Variants in CNTNAP2 observed in about 807,000 individuals in gnomAD.
CNTNAP2 encodes the protein contactin associated protein 2, also known as contactin-associated protein-like 2.
Under a neutral mutation model 155.2 loss-of-function variants are expected in CNTNAP2, and 98 were observed. The observed-to-expected ratio is 0.63, with a 90% CI of 0.54 to 0.75. The LOEUF is 0.75. Ranked by LOEUF, CNTNAP2 falls within the 30% of genes least tolerant of loss-of-function variation. The pLI is 0.00. For missense variants in CNTNAP2, 1,727 were observed against 1,688.1 expected (o/e 1.02, Z -0.40); for synonymous variants, 651 against 631.2 (o/e 1.03, Z -0.47).
intron 15 of CNTNAP2, among the ~76,000 whole-genome samples, chr7:148,027,219 C>T (rs1434211350): frequency 6.6e-6 from 1 of 152,198 alleles, no homozygotes; most frequent in Non-Finnish European, 1.5e-5. Flanking sequence ...TCTGAAAGAT[C>T]CCTTTCTCCA....
rs1415651236 is a variant in CNTNAP2, at chr7:147,693,139, G to A, written c.2098+53833G>A. Among the ~76,000 whole-genome samples the A allele has an allele frequency of 6.6e-5, 10 of 151,982 alleles. No individual in the cohort carries two copies. The South Asian group carries it at 1.7e-3, about 25-fold the overall frequency. ...ATCTTTTCTTCATTTTAGTTCCTTC[G>A]TCAAGATCACTTGGCTATATTTACA... On this transcript the variant is annotated intron_variant, in intron 13 of 23. Coordinates refer to ENST00000361727, the MANE Select transcript of CNTNAP2 (RefSeq NM_014141.6).
At chr7:146,644,167 T>G (rs571986657) in intron 1 of CNTNAP2, among the ~76,000 whole-genome samples, 174 of 152,304 alleles carry the variant, frequency 1.1e-3, no homozygotes, top group Non-Finnish European at 1.6e-3. Flanking sequence ...TTCTCCTGCC[T>G]AATTGCCCTG....
At chr7:148,233,749 T>G (rs1796002138) in intron 20 of CNTNAP2, among the ~76,000 whole-genome samples, 1 of 152,226 alleles carries the variant, frequency 6.6e-6, no homozygotes, top group South Asian at 2.1e-4. Flanking sequence ...CCATCATTAT[T>G]CCCATCTGAT....
At chr7:147,852,111 G>A (rs146129379) in intron 13 of CNTNAP2, among the ~76,000 whole-genome samples, 2 of 152,238 alleles carry the variant, frequency 1.3e-5, no homozygotes, top group East Asian at 3.9e-4. Flanking sequence ...GTGAAGAGAG[G>A]TATGCACAAC....
At chr7:146,645,386 C>T (rs957841105) in intron 1 of CNTNAP2, among the ~76,000 whole-genome samples, 1 of 152,166 alleles carries the variant, frequency 6.6e-6, no homozygotes, top group Non-Finnish European at 1.5e-5. Context: ...ATAATAACCT[C>T]GATTCTCATC....
intron 12 of CNTNAP2, among the ~76,000 whole-genome samples, chr7:147,594,476 G>A (rs868058023): frequency 2.0e-5 from 3 of 152,036 alleles, no homozygotes; most frequent in Non-Finnish European, 4.4e-5. Flanking sequence ...TTTGATGAGG[G>A]GCTTGACTAC....
At chr7:148,231,526 G>A (rs1428999158) in intron 20 of CNTNAP2, among the ~76,000 whole-genome samples, 1 of 152,066 alleles carries the variant, frequency 6.6e-6, no homozygotes, top group East Asian at 1.9e-4. Flanking sequence ...ATACCACTAG[G>A]TTTCTCTCTC....
chr7:147,288,927 T>C (rs927234771), intron 8 of CNTNAP2, among the ~76,000 whole-genome samples: 19 of 152,290 alleles, frequency 1.2e-4, no homozygotes, highest in Middle Eastern at 3.4e-3. Context: ...ATACATGTAC[T>C]TTGTCTTTAT....
Position 147,317,153 on chromosome 7 carries a change from C to T in CNTNAP2, c.1498+16863C>T, listed in dbSNP as rs77327686. Among the ~76,000 whole-genome samples, 1,062 of 152,276 alleles carry T rather than the reference C, an allele frequency of 7.0e-3. 9 individuals are homozygous for T. Among genetic ancestry groups the T allele is most frequent in the Non-Finnish European group, 0.011 (721 of 68,012 alleles). Reference sequence around the variant, plus strand: ...CATCTGCCTCTCAGCTGTTTCACTGCCACTGTGATAAACCAGACTACCATA... The same window carrying T: ...CATCTGCCTCTCAGCTGTTTCACTGTCACTGTGATAAACCAGACTACCATA... On this transcript the variant is annotated intron_variant, in intron 9 of 23. Transcript: ENST00000361727.
chr7:146,908,125 A>G (rs991341742), intron 3 of CNTNAP2, among the ~76,000 whole-genome samples: 8 of 152,288 alleles, frequency 5.3e-5, no homozygotes, highest in African/African-American at 1.9e-4. Context: ...TATGCACCCA[A>G]TACAGGAGCA....
chr7:147,527,854 G>A (rs938061209), intron 11 of CNTNAP2, among the ~76,000 whole-genome samples: 1 of 152,218 alleles, frequency 6.6e-6, no homozygotes, highest in African/African-American at 2.4e-5. Context: ...GGATTATTTG[G>A]GAGGTTATCC....
At position 147,022,919 on chromosome 7, in the gene CNTNAP2, G is replaced by T. The variant is rs554363384; in HGVS notation, c.403-20988G>T. 3.9e-5 allele frequency among the ~76,000 whole-genome samples: 6 copies of T among 151,998 alleles called. No homozygotes were observed. The East Asian group carries it at 1.2e-3, about 29-fold the overall frequency. On this transcript the variant is annotated intron_variant, in intron 3 of 23. Transcript: ENST00000361727. Reference sequence around the variant, plus strand: ...TACATCTGTCTAATGAATTATATTTGGTGTTCATTGACTCTATTCTTTTTA... The same window carrying T: ...TACATCTGTCTAATGAATTATATTTTGTGTTCATTGACTCTATTCTTTTTA...
intron 1 of CNTNAP2, among the ~76,000 whole-genome samples, chr7:146,156,423 A>C (rs1798127291): frequency 6.6e-6 from 1 of 152,220 alleles, no homozygotes; most frequent in Non-Finnish European, 1.5e-5. Context: ...GTGATGAGGA[A>C]TGGCAACTGT....
intron 10 of CNTNAP2, among the ~76,000 whole-genome samples, chr7:147,420,145 A>G (rs1563197911): frequency 6.6e-6 from 1 of 152,204 alleles, no homozygotes; most frequent in Non-Finnish European, 1.5e-5. Flanking sequence ...CATTTGCCAA[A>G]TGTATACTGT....
intron 1 of CNTNAP2, among the ~76,000 whole-genome samples, chr7:146,258,817 T>C (rs1799878204): frequency 6.6e-6 from 1 of 152,192 alleles, no homozygotes; most frequent in Non-Finnish European, 1.5e-5. Flanking sequence ...AGATAATGTT[T>C]GGTTGTATAA....
intron 8 of CNTNAP2, among the ~76,000 whole-genome samples, chr7:147,187,698 T>C (rs1358417831): frequency 6.6e-6 from 1 of 152,134 alleles, no homozygotes; most frequent in Non-Finnish European, 1.5e-5. Flanking sequence ...CATCACACTA[T>C]ATATCTTTGT....
chr7:146,487,711 C>G (rs754413722), intron 1 of CNTNAP2, among the ~76,000 whole-genome samples: 16 of 152,144 alleles, frequency 1.1e-4, no homozygotes, highest in Admixed American at 2.6e-4. Context: ...GCAGCATCCT[C>G]AAGTACAGAT....
At chr7:146,656,226 C>T (rs1297290825) in intron 1 of CNTNAP2, among the ~76,000 whole-genome samples, 1 of 152,168 alleles carries the variant, frequency 6.6e-6, no homozygotes, top group Non-Finnish European at 1.5e-5. Context: ...CTTTCTTTTC[C>T]ATCTGTGAAG....
chr7:147,339,378 T>C (rs1795719956), intron 9 of CNTNAP2, among the ~76,000 whole-genome samples: 1 of 152,068 alleles, frequency 6.6e-6, no homozygotes, highest in African/African-American at 2.4e-5. Flanking sequence ...TTATAAAGAA[T>C]ATGACTTCTT....
Sources: allele counts gnomAD v4.1 joint callset (sites outside exome capture counted in the v4.1 genomes callset), GRCh38; gene constraint gnomAD v4.1.1; transcripts MANE v1.5; gene names NCBI Gene and HGNC (gene_info 2026-07-23, HGNC 2026-07-21).